STARD13: variants seen among roughly 807,000 people sequenced by gnomAD.
The protein encoded by STARD13 is StAR related lipid transfer domain containing 13, also known as stAR-related lipid transfer protein 13.
A neutral mutation model predicts 106.4 loss-of-function variants in STARD13; 62 were observed. The observed-to-expected ratio is 0.58, with a 90% CI of 0.48 to 0.72. STARD13 has a LOEUF of 0.72. STARD13 is among the 30% of genes least tolerant of loss of function. The probability of loss-of-function intolerance (pLI) is 0.00; values close to 1 mark genes in which losing one functional copy is unlikely to be tolerated. For missense variants in STARD13, 1,387 were observed against 1,424.0 expected (o/e 0.97, Z 0.42); for synonymous variants, 565 against 553.0 (o/e 1.02, Z -0.31).
At chr13:33,628,827 T>G in the STARD13 span, among the ~76,000 whole-genome samples, 1 of 152,174 alleles carries the variant, frequency 6.6e-6, no homozygotes, top group Admixed American at 6.5e-5. Context: ...CCTTTTGATC[T>G]TAGGAAAGTT....
At chr13:33,113,674 C>G (rs986917390) in intron 8 of STARD13, 4 of 453,754 alleles carry the variant, frequency 8.8e-6, no homozygotes, top group Non-Finnish European at 1.8e-5. Flanking sequence ...AGAAGAAGAA[C>G]CAGGCAGCCT....
At chr13:33,370,538 T>G in the STARD13 span, among the ~76,000 whole-genome samples, 11 of 152,156 alleles carry the variant, frequency 7.2e-5, no homozygotes, top group African/African-American at 2.4e-4. Context: ...AGCATTCTTA[T>G]GTAAAACAAA....
chr13:33,596,482 A>C, the STARD13 span, among the ~76,000 whole-genome samples: 1 of 152,226 alleles, frequency 6.6e-6, no homozygotes, highest in African/African-American at 2.4e-5. Flanking sequence ...ATATATGCAT[A>C]CAATGCTTAA....
intron 3 of STARD13, chr13:33,158,824 C>T (rs2138322811): frequency 6.6e-6 from 1 of 152,236 alleles, no homozygotes; most frequent in Non-Finnish European, 1.5e-5. Flanking sequence ...CTTGGTGGAT[C>T]TCAAGAGGAA....
At chr13:33,621,056 T>C in the STARD13 span, among the ~76,000 whole-genome samples, 1 of 151,602 alleles carries the variant, frequency 6.6e-6, no homozygotes. Flanking sequence ...AACCAGTAAG[T>C]CCCATCTTAA....
intron 7 of STARD13, among the ~76,000 whole-genome samples, chr13:33,124,373 C>T (rs1293745548): frequency 2.0e-5 from 3 of 152,174 alleles, no homozygotes; most frequent in African/African-American, 2.4e-5. Flanking sequence ...ATGTGACTGA[C>T]GCGAGATGCG....
chr13:33,478,348 T>G, the STARD13 span, among the ~76,000 whole-genome samples: 2 of 152,218 alleles, frequency 1.3e-5, no homozygotes, highest in African/African-American at 4.8e-5. Flanking sequence ...GGCTCTTTTG[T>G]AGGTGCCAAA....
chr13:33,298,160 C>T (rs1892573345), intron 1 of STARD13, among the ~76,000 whole-genome samples: 1 of 123,884 alleles, frequency 8.1e-6, no homozygotes, highest in Middle Eastern at 5.1e-3. Context: ...GATAGAGTCT[C>T]ACTCTGTCAC....
chr13:33,141,865 A>G (rs1593950584), intron 4 of STARD13, among the ~76,000 whole-genome samples: 1 of 133,092 alleles, frequency 7.5e-6, no homozygotes, highest in Admixed American at 7.6e-5. Flanking sequence ...GATATTTTAC[A>G]TCTTTACGCA....
intron 6 of STARD13, among the ~76,000 whole-genome samples, chr13:33,127,145 C>G (rs1019002422): frequency 6.6e-6 from 1 of 152,154 alleles, no homozygotes; most frequent in African/African-American, 2.4e-5. Context: ...TTTCTTGGAG[C>G]CTGACTGCCT....
rs1878071791 is a variant in STARD13 at position 33,130,202 on chromosome 13, G to A, written c.475C>T (p.Leu159Phe). ...TCTCCTCGAGGGAGCAGCGTGTAGA[G>A]GTCGTCCACACGAGACCACCTGCGA... is the stretch of plus-strand genomic sequence containing the variant. ...TSRRWSRVDDLYTLLPRGDRN... is the reference protein window; with the variant it reads ...TSRRWSRVDDFYTLLPRGDRN... Residue 159 changes from leucine to phenylalanine, a missense_variant, in exon 5 of 14, where the codon CTC (leucine) becomes TTC (phenylalanine). By Grantham distance (22) the Leu-to-Phe change is conservative (BLOSUM62 0). Coordinates refer to ENST00000336934, the MANE Select transcript of STARD13 (RefSeq NM_178006.4). The surrounding 1 kb of genome is among the most constrained non-coding windows in gnomAD (Gnocchi z 4.1). 1.2e-6 allele frequency: 2 copies of A among 1,612,092 alleles called. No homozygotes were observed.
At chr13:33,110,299 T>A (rs1172294913) in intron 11 of STARD13, among the ~76,000 whole-genome samples, 1 of 152,204 alleles carries the variant, frequency 6.6e-6, no homozygotes, top group Non-Finnish European at 1.5e-5. Context: ...AAAATAATAA[T>A]CACCAACACA....
At chr13:33,489,042 C>T in the STARD13 span, among the ~76,000 whole-genome samples, 9 of 152,176 alleles carry the variant, frequency 5.9e-5, no homozygotes, top group Non-Finnish European at 1.5e-5. Flanking sequence ...GGGAGTCACC[C>T]TTCATTCTTC....
the STARD13 span, among the ~76,000 whole-genome samples, chr13:33,610,599 C>T: frequency 4.6e-5 from 7 of 152,338 alleles, no homozygotes; most frequent in Admixed American, 2.0e-4. Flanking sequence ...GGCCGCTTTG[C>T]CTTCAACTCC....
chr13:33,231,091 A>C (rs1392308866), intron 1 of STARD13, among the ~76,000 whole-genome samples: 1 of 152,250 alleles, frequency 6.6e-6, no homozygotes, highest in Non-Finnish European at 1.5e-5. Context: ...AAAGTCCTGC[A>C]TCTCAGGACA....
the STARD13 span, among the ~76,000 whole-genome samples, chr13:33,492,429 T>C: frequency 1.3e-5 from 2 of 152,180 alleles, no homozygotes; most frequent in Non-Finnish European, 2.9e-5. Context: ...CTGGGTTGAA[T>C]TCCCAGATGG....
the STARD13 span, among the ~76,000 whole-genome samples, chr13:33,539,532 T>G: frequency 6.6e-6 from 1 of 152,204 alleles, no homozygotes; most frequent in Non-Finnish European, 1.5e-5. Context: ...GGGACTGGGT[T>G]AAGAACAGAC....
At chr13:33,203,290 T>C (rs547603128) in intron 1 of STARD13, among the ~76,000 whole-genome samples, 1 of 152,358 alleles carries the variant, frequency 6.6e-6, no homozygotes, top group Admixed American at 6.5e-5. Context: ...ATCATGTTCA[T>C]CATGTAAAAT....
intron 1 of STARD13, among the ~76,000 whole-genome samples, chr13:33,169,354 C>T (rs989370598): frequency 6.6e-6 from 1 of 152,194 alleles, no homozygotes; most frequent in African/African-American, 2.4e-5. Context: ...AAGGTTCCTA[C>T]TTTGATAACC....
Sources: allele counts gnomAD v4.1 joint callset (sites outside exome capture counted in the v4.1 genomes callset), GRCh38; gene constraint gnomAD v4.1.1; non-coding constraint Gnocchi (gnomAD v3.1); transcripts MANE v1.5; gene names NCBI Gene and HGNC (gene_info 2026-07-23, HGNC 2026-07-21).